STS: variants seen among roughly 807,000 people sequenced by gnomAD.
STS encodes steroid sulfatase.
STS carries 7 observed loss-of-function variants against 26.8 expected under a neutral mutation model. The observed-to-expected ratio is 0.26, with a 90% confidence interval of 0.15 to 0.49. The LOEUF is 0.49. Among genes scored for constraint, STS ranks in the 20% least tolerant of loss-of-function variants. The pLI, the probability that STS is intolerant of heterozygous loss-of-function variation, is 0.98. For synonymous variants in STS, 199 were observed against 189.4 expected (o/e 1.05, Z -0.42); for missense variants, 434 against 465.6 (o/e 0.93, Z 0.63).
intron 10 of STS, among the ~76,000 whole-genome samples, chrX:7,335,185 T>C (rs1927954558): frequency 8.9e-6 from 1 of 112,458 alleles, no homozygotes; most frequent in African/African-American, 3.2e-5. Flanking sequence ...ATCGCCACAC[T>C]GTCTTCCACA....
At chrX:7,337,697 A>T (rs1928099249) in intron 10 of STS, among the ~76,000 whole-genome samples, 2 of 112,160 alleles carry the variant, frequency 1.8e-5, no homozygotes, top group African/African-American at 6.5e-5. Flanking sequence ...TTGTTATTAA[A>T]CCATTGTCTG....
chrX:7,314,049 C>T (rs191652041), intron 8 of STS, among the ~76,000 whole-genome samples: 39 of 111,272 alleles, frequency 3.5e-4, no homozygotes, highest in African/African-American at 1.3e-3. Flanking sequence ...AAAAGCAGCT[C>T]AGTATTTCTA....
chrX:7,205,619 GTTTTC>G (rs1352726041), intron 2 of STS, among the ~76,000 whole-genome samples: 7 of 101,557 alleles, frequency 6.9e-5, no homozygotes, highest in East Asian at 3.1e-4. Context: ...CTTTTCTTTC[GTTTTC>G]TTTTCTTTTC....
intron 7 of STS, among the ~76,000 whole-genome samples, chrX:7,279,572 TG>T (rs1209920334): frequency 9.2e-6 from 1 of 108,366 alleles, no homozygotes; most frequent in Non-Finnish European, 1.9e-5. Flanking sequence ...GTAATTTAAA[TG>T]ATCCTTGGAG....
chrX:7,225,321 C>T (rs1921751386), intron 2 of STS, among the ~76,000 whole-genome samples: 2 of 111,531 alleles, frequency 1.8e-5, no homozygotes, highest in Non-Finnish European at 3.8e-5. Flanking sequence ...GACTAACAGG[C>T]TCAGTGCATA....
intron 7 of STS, among the ~76,000 whole-genome samples, chrX:7,302,476 A>G (rs1428244416): frequency 1.8e-5 from 2 of 111,787 alleles, no homozygotes; most frequent in Non-Finnish European, 3.8e-5. Flanking sequence ...ATGATTTATC[A>G]TGGGAGACAA....
chrX:7,206,244 G>C (rs141448825), intron 2 of STS, among the ~76,000 whole-genome samples: 1,952 of 112,145 alleles, frequency 0.017, 49 homozygotes, highest in African/African-American at 0.061. Context: ...ATTAGCTGAA[G>C]ATTGGGACCT....
chrX:7,259,527 C>A lies in STS; in HGVS notation c.561C>A (p.Ile187=). 1 of 1,211,670 alleles carries A rather than the reference C, an allele frequency of 8.3e-7. No individual in the cohort carries two copies. Among genetic ancestry groups the A allele is most frequent in the Non-Finnish European group, 1.1e-6 (1 of 895,402 alleles). ...GGCTGGTCTTCCTCCCCCTGCAGAT[C>A]GTCGGGGTCACCCTCCTTACCCTTG... The part of the protein sequence containing the change: ...FKRLVFLPLQ[I]VGVTLLTLAA... Residue 187 remains isoleucine (I), a synonymous_variant, in exon 6 of 11, where the codon ATC becomes ATA. Transcript: ENST00000674429.
Position 7,321,465 on chromosome X carries a change from A to G in STS, c.1082-3874A>G, listed in dbSNP as rs572426544. Among the ~76,000 whole-genome samples, 20 of 112,243 alleles carry G rather than the reference A, an allele frequency of 1.8e-4. No individual in the cohort carries two copies. In the South Asian group the frequency reaches 7.0e-3, roughly 39 times the overall value. ...AATACATAAACAAATACATACATAG[A>G]TAAATAATGTAACATCTGAAAAACA... On this transcript the variant is annotated intron_variant, in intron 8 of 10. Transcript: ENST00000674429.
At chrX:7,323,630 G>A (rs1277045104) in intron 8 of STS, among the ~76,000 whole-genome samples, 2 of 111,767 alleles carry the variant, frequency 1.8e-5, no homozygotes, top group Admixed American at 1.9e-4. Flanking sequence ...CTGTCGATGG[G>A]CACCTGGATT....
At chrX:7,272,955 A>G (rs1372913200) in intron 6 of STS, among the ~76,000 whole-genome samples, 2 of 111,563 alleles carry the variant, frequency 1.8e-5, no homozygotes, top group Admixed American at 1.9e-4. Context: ...CAGACCAGCC[A>G]GGCCAACATG....
At chrX:7,219,341 G>A (rs1194705700) in intron 2 of STS, 1 of 891,032 alleles carries the variant, frequency 1.1e-6, no homozygotes, top group Non-Finnish European at 1.4e-6. Context: ...AAATCATACC[G>A]AAGGGGAGAA....
chrX:7,234,822 C>T (rs887365813), intron 2 of STS, among the ~76,000 whole-genome samples: 5 of 112,019 alleles, frequency 4.5e-5, no homozygotes, highest in African/African-American at 1.3e-4. Flanking sequence ...ACAAAAGTTT[C>T]AATATATGTT....
chrX:7,165,787 T>C (rs1308076088), intron 1 of STS, among the ~76,000 whole-genome samples: 1 of 112,386 alleles, frequency 8.9e-6, no homozygotes, highest in Non-Finnish European at 1.9e-5. Context: ...GTAGCATCTC[T>C]GGCCTCTGCT....
intron 10 of STS, among the ~76,000 whole-genome samples, chrX:7,346,387 A>C (rs1167888243): frequency 9.3e-6 from 1 of 107,950 alleles, no homozygotes. Flanking sequence ...TCGTTTTCTT[A>C]ATTTGGGGGA....
chrX:7,325,220 G>C, intron 8 of STS, 119 bp from the exon 9 acceptor site: 1 of 720,338 alleles, frequency 1.4e-6, no homozygotes, highest in East Asian at 3.5e-5. Flanking sequence ...CTCATAGATG[G>C]AATCTATGTA....
intron 8 of STS, among the ~76,000 whole-genome samples, chrX:7,317,373 A>G (rs1204422999): frequency 9.0e-6 from 1 of 111,499 alleles, no homozygotes; most frequent in Non-Finnish European, 1.9e-5. Context: ...CTATTGGCAC[A>G]GGGCAGGTTT....
intron 5 of STS, among the ~76,000 whole-genome samples, chrX:7,258,618 G>A (rs1316806267): frequency 9.0e-6 from 1 of 111,572 alleles, no homozygotes; most frequent in Non-Finnish European, 1.9e-5. Flanking sequence ...GCAAATCTCA[G>A]AGGAGCAAAA....
rs1928743478 is a variant in STS, at chrX:7,350,330, TGGCA to T, written c.*70_*73del. 8.8e-7 allele frequency: 1 copy of T among 1,139,014 alleles called. No homozygotes were observed. Among genetic ancestry groups the T allele is most frequent in the South Asian group, 1.9e-5 (1 of 52,326 alleles). 93.9% of individuals were successfully genotyped at this position (1,139,014 alleles called of 1,213,427 possible). A position where few individuals can be genotyped will look rare whatever the true frequency, so the allele number is the denominator to read the frequency against. On this transcript the variant is annotated 3_prime_UTR_variant, in exon 11 of 11. Transcript: ENST00000674429. ...TCTTCACTACAAACACGCCTGAGAG[TGGCA>T]CTGGGGAAACATAACTCCATCTACA... is the stretch of plus-strand genomic sequence containing the variant.
Sources: allele counts gnomAD v4.1 joint callset (sites outside exome capture counted in the v4.1 genomes callset), GRCh38; gene constraint gnomAD v4.1.1; transcripts MANE v1.5; gene names NCBI Gene and HGNC (gene_info 2026-07-23, HGNC 2026-07-21).